The following ZNF75D variants were observed in gnomAD, a reference collection of about 807,000 sequenced individuals.
ZNF75D encodes zinc finger protein 75.
In ZNF75D, 33 loss-of-function variants were observed where a neutral mutation model predicts 33.3. The ratio of observed to expected loss-of-function variants is 0.99; its 90% confidence interval spans 0.75 to 1.32. The LOEUF (loss-of-function observed/expected upper bound fraction) is 1.32, where lower values mean the gene tolerates loss of function less well. Ranked by LOEUF, ZNF75D falls within the 40% of genes most tolerant of loss-of-function variation. The probability of loss-of-function intolerance (pLI) is 0.00; values close to 1 mark genes in which losing one functional copy is unlikely to be tolerated. For missense variants in ZNF75D, 338 were observed against 367.5 expected, an observed-to-expected ratio of 0.92 and a Z score of 0.66; for synonymous variants, 113 against 130.6, an observed-to-expected ratio of 0.87 and a Z score of 0.92.
At chrX:135,281,510 G>A (rs782407989), downstream of ZNF75D, among the ~76,000 whole-genome samples, 2 of 110,728 alleles carry the variant, frequency 1.8e-5, no homozygotes, top group South Asian at 3.8e-4. Context: ...CTCATTCTCC[G>A]TCCAGTTTTG....
Position 135,338,983 on chromosome X carries a change from CCTCTCCCTT to C in ZNF75D, c.-391+2776_-391+2784del, listed in dbSNP as rs1286258246. 8.5e-5 allele frequency among the ~76,000 whole-genome samples: 9 copies of C among 106,224 alleles called. No individual in the cohort carries two copies. The Admixed American group carries it at 9.1e-4, about 11-fold the overall frequency. 92.2% of individuals were successfully genotyped at this position (106,224 alleles called of 115,157 possible). On this transcript the variant is annotated intron_variant, in intron 1 of 6. Transcript: ENST00000370766. ...TCCTTGCTTTTCTCCTTCTTGTCCTCCTCTCCCTTCTCTCCCTCTCTCCCTACCCAATCC... is the reference window on the plus strand; with the variant it reads ...TCCTTGCTTTTCTCCTTCTTGTCCTCCTCTCCCTCTCTCCCTACCCAATCC...
At chrX:135,328,902 G>C (rs1346073667) in intron 1 of ZNF75D, among the ~76,000 whole-genome samples, 1 of 112,394 alleles carries the variant, frequency 8.9e-6, no homozygotes, top group African/African-American at 3.2e-5. Context: ...GTGAGACAAT[G>C]ACTGTAGGTC....
chrX:135,301,247 C>T (rs2084214690), intron 1 of ZNF75D, among the ~76,000 whole-genome samples: 1 of 111,745 alleles, frequency 8.9e-6, no homozygotes, highest in African/African-American at 3.3e-5. Context: ...CCTCACTCAA[C>T]ATATGGGGAT....
chrX:135,306,288 T>TACACACACACACACACAC (rs57049630), intron 1 of ZNF75D, among the ~76,000 whole-genome samples: 9 of 83,234 alleles, frequency 1.1e-4, no homozygotes, highest in South Asian at 1.4e-3. Flanking sequence ...CAGAGATACA[T>TACACACACACACACACAC]ACACACACAC....
chrX:135,321,107 A>C (rs1402572809), intron 1 of ZNF75D, among the ~76,000 whole-genome samples: 1 of 111,955 alleles, frequency 8.9e-6, no homozygotes, highest in Non-Finnish European at 1.9e-5. Context: ...CTCACATGGT[A>C]TAAGGTAGAA....
intron 1 of ZNF75D, among the ~76,000 whole-genome samples, chrX:135,299,993 T>A (rs2084191931): frequency 8.9e-6 from 1 of 112,382 alleles, no homozygotes; most frequent in South Asian, 3.6e-4. Flanking sequence ...CTTATGCAAA[T>A]ACCACACTGT....
In ZNF75D at chrX:135,257,613, T is replaced by C. The variant is rs891519863; in HGVS notation, n.828-1836A>G. Among the ~76,000 whole-genome samples, 6 of 112,937 alleles carry C rather than the reference T, an allele frequency of 5.3e-5. No homozygotes were observed. In the East Asian group the frequency reaches 8.4e-4, roughly 16 times the overall value. On this transcript the variant is annotated intron_variant and non_coding_transcript_variant, in intron 1 of 3. Transcript: ENST00000494295. ...ACTCCCTGCCTTGAAGGGAATGACC[T>C]TGGGCAAGGCCCACTGCTGTGATGG...
At chrX:135,335,347 T>C (rs1330094386) in intron 1 of ZNF75D, among the ~76,000 whole-genome samples, 1 of 111,145 alleles carries the variant, frequency 9.0e-6, no homozygotes, top group Non-Finnish European at 1.9e-5. Flanking sequence ...GAGCAGCTCC[T>C]GAATGCCCCT....
intron 1 of ZNF75D, among the ~76,000 whole-genome samples, chrX:135,304,713 T>C (rs1474587879): frequency 8.9e-6 from 1 of 112,847 alleles, no homozygotes; most frequent in Middle Eastern, 4.2e-3. Context: ...TTAAAATTGA[T>C]AATTGATAAA....
At chrX:135,326,343 C>T (rs782390632) in intron 1 of ZNF75D, among the ~76,000 whole-genome samples, 1 of 112,022 alleles carries the variant, frequency 8.9e-6, no homozygotes, top group Admixed American at 9.4e-5. Context: ...CACCAATCGA[C>T]ACTCTGTATC....
At position 135,258,496 on chromosome X, in the gene ZNF75D, G is replaced by A. The variant is rs148943786; in HGVS notation, n.828-2719C>T. Among the ~76,000 whole-genome samples, 228 of 111,646 alleles carry A rather than the reference G, an allele frequency of 2.0e-3. 1 individual carries two copies. Among genetic ancestry groups the A allele is most frequent in the African/African-American group, 6.8e-3 (209 of 30,795 alleles). ...TTTAACGATTGCCATTCTAACTGGT[G>A]TGAGATGGTATCTCATGGTGGTTTT... On this transcript the variant is annotated intron_variant and non_coding_transcript_variant, in intron 1 of 3. Transcript: ENST00000494295.
At chrX:135,331,561 G>A (rs924679873) in intron 1 of ZNF75D, among the ~76,000 whole-genome samples, 3 of 110,890 alleles carry the variant, frequency 2.7e-5, no homozygotes, top group African/African-American at 9.9e-5. Flanking sequence ...GCTTAAGTTA[G>A]GAGTAAGATG....
intron 1 of ZNF75D, among the ~76,000 whole-genome samples, chrX:135,258,004 G>A (rs782687659): frequency 8.4e-5 from 9 of 107,162 alleles, no homozygotes; most frequent in Non-Finnish European, 1.6e-4. Flanking sequence ...GATGTTCCCT[G>A]CCCTGTGTCC....
At chrX:135,259,618 G>C (rs2083829270) in intron 1 of ZNF75D, among the ~76,000 whole-genome samples, 1 of 111,741 alleles carries the variant, frequency 8.9e-6, no homozygotes, top group African/African-American at 3.3e-5. Flanking sequence ...GTATAGGAAT[G>C]CTTGTGAGTT....
chrX:135,258,283 T>A (rs782124333), intron 1 of ZNF75D, among the ~76,000 whole-genome samples: 20 of 109,871 alleles, frequency 1.8e-4, no homozygotes, highest in Non-Finnish European at 2.9e-4. Context: ...TATAGTAGCA[T>A]GATTTATAAT....
intron 1 of ZNF75D, among the ~76,000 whole-genome samples, chrX:135,323,660 A>G (rs1309272360): frequency 8.9e-6 from 1 of 112,062 alleles, no homozygotes; most frequent in Non-Finnish European, 1.9e-5. Flanking sequence ...TCTGGAATTC[A>G]ATGTAATCTG....
At chrX:135,268,885 G>A (rs72615448) in intron 1 of ZNF75D, among the ~76,000 whole-genome samples, 19 of 111,534 alleles carry the variant, frequency 1.7e-4, no homozygotes, top group South Asian at 7.6e-4. Flanking sequence ...GCATGGTACC[G>A]GCATAAACAC....
intron 1 of ZNF75D, among the ~76,000 whole-genome samples, chrX:135,265,016 C>T (rs189682180): frequency 0.01 from 1,163 of 111,429 alleles, 17 homozygotes; most frequent in African/African-American, 0.035. Flanking sequence ...GTCAGAAGTT[C>T]GAGACCAGCC....
At chrX:135,257,319 A>T (rs1222033486) in intron 1 of ZNF75D, among the ~76,000 whole-genome samples, 2 of 111,871 alleles carry the variant, frequency 1.8e-5, no homozygotes, top group Admixed American at 1.9e-4. Context: ...GCCTGGTAGC[A>T]TTCACTACAA....
Sources: gnomAD v4.1 joint callset for allele counts (sites outside exome capture counted in the v4.1 genomes callset) on GRCh38, gnomAD v4.1.1 for gene constraint, MANE v1.5 for transcripts, NCBI Gene and HGNC (gene_info 2026-07-23, HGNC 2026-07-21) for gene names.